Variants in NKAIN2 observed in about 807,000 individuals in gnomAD.
NKAIN2 encodes the protein sodium/potassium-transporting ATPase subunit beta-1-interacting protein 2.
NKAIN2 carries 14 observed loss-of-function variants against 32.6 expected under a neutral mutation model. The ratio of observed to expected loss-of-function variants is 0.43; its 90% CI spans 0.28 to 0.67. The LOEUF (loss-of-function observed/expected upper bound fraction) is 0.67, where lower values mean the gene tolerates loss of function less well. Ranked by LOEUF, NKAIN2 falls within the 30% of genes least tolerant of loss-of-function variation. The probability of loss-of-function intolerance (pLI) is 0.17; values close to 1 mark genes in which losing one functional copy is unlikely to be tolerated. For synonymous variants in NKAIN2, 80 were observed against 87.2 expected (o/e 0.92, Z 0.46); for missense variants, 198 against 258.3 (o/e 0.77, Z 1.60).
chr6:124,603,079 C>T (rs1782368970), intron 3 of NKAIN2, among the ~76,000 whole-genome samples: 2 of 151,960 alleles, frequency 1.3e-5, no homozygotes, highest in Admixed American at 1.3e-4. Context: ...CATTATTTCA[C>T]TTGCATAATT....
intron 3 of NKAIN2, among the ~76,000 whole-genome samples, chr6:124,524,431 T>C (rs1489191468): frequency 6.6e-6 from 1 of 152,204 alleles, no homozygotes; most frequent in East Asian, 1.9e-4. Flanking sequence ...TTGCTTAGCA[T>C]ATCAAACTTT....
intron 1 of NKAIN2, among the ~76,000 whole-genome samples, chr6:124,217,472 T>G (rs1438452876): frequency 6.6e-6 from 1 of 152,104 alleles, no homozygotes; most frequent in Non-Finnish European, 1.5e-5. Context: ...TTGGTGAGAT[T>G]TGGAAATAAA....
chr6:124,596,666 GT>G (rs1562275974), intron 3 of NKAIN2, among the ~76,000 whole-genome samples: 19 of 84,484 alleles, frequency 2.2e-4, no homozygotes, highest in African/African-American at 7.2e-4. Context: ...ACCATAGGGT[GT>G]GTGTGTGTGT....
At chr6:124,324,026 C>T (rs1038610603) in intron 2 of NKAIN2, among the ~76,000 whole-genome samples, 4 of 151,860 alleles carry the variant, frequency 2.6e-5, no homozygotes, top group African/African-American at 9.7e-5. Context: ...CTCCTGACCT[C>T]GTGATCCACC....
intron 1 of NKAIN2, among the ~76,000 whole-genome samples, chr6:123,922,018 C>T (rs1775782172): frequency 6.6e-6 from 1 of 152,042 alleles, no homozygotes; most frequent in Non-Finnish European, 1.5e-5. Context: ...GACTACGATG[C>T]TGTGCCCATT....
chr6:124,459,269 C>T (rs536189150), intron 3 of NKAIN2, among the ~76,000 whole-genome samples: 4 of 151,770 alleles, frequency 2.6e-5, no homozygotes, highest in South Asian at 2.1e-4. Flanking sequence ...GAACAAAGTC[C>T]GCAAAATAAG....
chr6:124,778,979 T>A lies in NKAIN2; in HGVS notation c.475-12360T>A, dbSNP rs571741166. 2.3e-3 allele frequency among the ~76,000 whole-genome samples: 353 copies of A among 152,164 alleles called. 3 individuals are homozygous for A. Among genetic ancestry groups the A allele is most frequent in the African/African-American group, 8.2e-3 (339 of 41,526 alleles). ...CTCAAAGTGCATTCATAGTTATGAT[T>A]TTTTTATCTTCATCTTGGGCCCATA... On this transcript the variant is annotated intron_variant, in intron 4 of 6. Transcript: ENST00000368417.
intron 3 of NKAIN2, among the ~76,000 whole-genome samples, chr6:124,484,022 G>A (rs927003618): frequency 5.9e-5 from 9 of 152,228 alleles, no homozygotes; most frequent in African/African-American, 1.9e-4. Flanking sequence ...AACTATGTCA[G>A]GAGCACCATA....
chr6:124,223,613 C>T (rs2114705139), intron 1 of NKAIN2, among the ~76,000 whole-genome samples: 1 of 152,274 alleles, frequency 6.6e-6, no homozygotes, highest in South Asian at 2.1e-4. Flanking sequence ...GATAAAGAGA[C>T]TTAAAATCTC....
intron 3 of NKAIN2, among the ~76,000 whole-genome samples, chr6:124,391,685 G>T (rs544806000): frequency 6.6e-6 from 1 of 152,230 alleles, no homozygotes; most frequent in African/African-American, 2.4e-5. Context: ...AAGATTCAGA[G>T]TTCTCAGTTT....
chr6:124,115,731 C>T (rs1319103655), intron 1 of NKAIN2, among the ~76,000 whole-genome samples: 1 of 152,074 alleles, frequency 6.6e-6, no homozygotes, highest in Admixed American at 6.5e-5. Flanking sequence ...CCATCAGTTA[C>T]ACCATATACC....
intron 3 of NKAIN2, among the ~76,000 whole-genome samples, chr6:124,654,687 A>C (rs547593745): frequency 3.3e-5 from 5 of 152,290 alleles, no homozygotes; most frequent in South Asian, 2.1e-4. Context: ...AGGCCAATAC[A>C]ACTGGAGGCC....
intron 3 of NKAIN2, among the ~76,000 whole-genome samples, chr6:124,518,010 T>A (rs998820013): frequency 2.0e-5 from 3 of 152,098 alleles, no homozygotes; most frequent in African/African-American, 7.2e-5. Context: ...TACTCAAAAT[T>A]TATCAACATT....
intron 1 of NKAIN2, among the ~76,000 whole-genome samples, chr6:123,883,140 G>A (rs1773527715): frequency 6.6e-6 from 1 of 151,988 alleles, no homozygotes; most frequent in African/African-American, 2.4e-5. Flanking sequence ...TCCTAATAGT[G>A]AGTGAATTAT....
intron 1 of NKAIN2, among the ~76,000 whole-genome samples, chr6:124,140,949 A>AGTT: frequency 6.6e-6 from 1 of 152,344 alleles, no homozygotes; most frequent in South Asian, 2.1e-4. Flanking sequence ...ATATAGAGAT[A>AGTT]AAACTATGGA....
chr6:124,138,384 C>T (rs1423702432), intron 1 of NKAIN2, among the ~76,000 whole-genome samples: 1 of 152,014 alleles, frequency 6.6e-6, no homozygotes, highest in Non-Finnish European at 1.5e-5. Flanking sequence ...TTCTACACTG[C>T]TGGTGGGAAT....
intron 1 of NKAIN2, among the ~76,000 whole-genome samples, chr6:124,080,159 C>G (rs756527224): frequency 2.6e-5 from 4 of 152,148 alleles, no homozygotes; most frequent in Non-Finnish European, 5.9e-5. Context: ...GTTTCCTACA[C>G]TGGGCGTCTT....
chr6:124,268,762 G>T (rs940599476), intron 1 of NKAIN2, among the ~76,000 whole-genome samples: 6 of 151,390 alleles, frequency 4.0e-5, no homozygotes, highest in Non-Finnish European at 7.4e-5. Flanking sequence ...AGTATTGTAT[G>T]TGCATATAAA....
intron 1 of NKAIN2, among the ~76,000 whole-genome samples, chr6:124,040,079 C>G (rs929150396): frequency 6.6e-6 from 1 of 151,880 alleles, no homozygotes; most frequent in African/African-American, 2.4e-5. Context: ...TTTTTCTTAT[C>G]CAGACCTAGC....
Sources: gnomAD v4.1 joint callset for allele counts (sites outside exome capture counted in the v4.1 genomes callset) on GRCh38, gnomAD v4.1.1 for gene constraint, MANE v1.5 for transcripts, NCBI Gene and HGNC (gene_info 2026-07-23, HGNC 2026-07-21) for gene names.